XPNPEP2: variants seen among roughly 807,000 people sequenced by gnomAD.
XPNPEP2 encodes X-prolyl aminopeptidase 2, also known as xaa-Pro aminopeptidase 2.
A neutral mutation model predicts 59.8 loss-of-function variants in XPNPEP2; 64 were observed. The ratio of observed to expected loss-of-function variants is 1.07; its 90% confidence interval spans 0.87 to 1.32. The LOEUF is 1.32. Ranked by LOEUF, XPNPEP2 falls within the 40% of genes most tolerant of loss-of-function variation. The pLI is 0.00. For missense variants in XPNPEP2, 575 were observed against 546.8 expected (o/e 1.05, Z -0.51); for synonymous variants, 235 against 210.0 (o/e 1.12, Z -1.03).
intron 19 of XPNPEP2, among the ~76,000 whole-genome samples, chrX:129,765,328 C>A (rs769701297): frequency 8.9e-6 from 1 of 112,046 alleles, no homozygotes; most frequent in African/African-American, 3.2e-5. Flanking sequence ...ATCAATGCTA[C>A]AAATCACTGT....
At chrX:129,751,096 A>ACC in intron 8 of XPNPEP2, among the ~76,000 whole-genome samples, 1 of 23,854 alleles carries the variant, frequency 4.2e-5, no homozygotes, top group African/African-American at 1.2e-4. Context: ...AAAGACGCCC[A>ACC]CTCCCCCACC....
At position 129,750,488 on chromosome X, in the gene XPNPEP2, G is replaced by C; in HGVS notation, c.658G>C (p.Val220Leu). Residue 220 changes from valine to leucine, a missense_variant, in exon 8 of 21, where the codon GTA (valine) becomes CTA (leucine). Transcript: ENST00000371106. ...AFTGSTWQEK[V>L]SGVRSQMQKH... Reference sequence around the variant, plus strand: ...TCTAGGGAGCACTTGGCAGGAGAAAGTATCTGGCGTCCGAAGCCAGATGCA... The same window carrying C: ...TCTAGGGAGCACTTGGCAGGAGAAACTATCTGGCGTCCGAAGCCAGATGCA... The C allele has an allele frequency of 2.5e-6, 3 of 1,196,076 alleles. No homozygotes were observed. Among genetic ancestry groups the C allele is most frequent in the East Asian group, 3.0e-5 (1 of 33,442 alleles).
intron 14 of XPNPEP2, among the ~76,000 whole-genome samples, chrX:129,757,143 G>C (rs904992794): frequency 9.6e-6 from 1 of 103,996 alleles, no homozygotes; most frequent in South Asian, 4.6e-4. Context: ...ATGTTGGCCA[G>C]GCTGTTCTCA....
intron 1 of XPNPEP2, 109 bp downstream of exon 1, chrX:129,739,371 T>G (rs1394595169): frequency 1.2e-6 from 1 of 823,702 alleles, no homozygotes; most frequent in Non-Finnish European, 1.7e-6. Context: ...TGTTGCTTCC[T>G]CTCTCTGACT....
intron 20 of XPNPEP2, 99 bp downstream of exon 20, chrX:129,767,791 G>C: frequency 1.1e-6 from 1 of 889,788 alleles, no homozygotes; most frequent in Non-Finnish European, 1.6e-6. Flanking sequence ...CTCCAGGAGG[G>C]TCCACACTGG....
intron 14 of XPNPEP2, among the ~76,000 whole-genome samples, chrX:129,757,063 TAC>T (rs745496024): frequency 1.2e-5 from 1 of 84,841 alleles, no homozygotes; most frequent in Non-Finnish European, 2.1e-5. Context: ...CACATATATA[TAC>T]ACACACATAC....
At chrX:129,740,657 G>A (rs764439336) in intron 1 of XPNPEP2, among the ~76,000 whole-genome samples, 34 of 105,981 alleles carry the variant, frequency 3.2e-4, no homozygotes, top group African/African-American at 9.7e-4. Flanking sequence ...GGCGCGGGGG[G>A]CGTTGGGCGC....
chrX:129,757,865 G>A (rs866672141), intron 14 of XPNPEP2, among the ~76,000 whole-genome samples: 75 of 55,887 alleles, frequency 1.3e-3, no homozygotes, highest in Admixed American at 4.8e-3. Flanking sequence ...GAAAGAGGGA[G>A]AGAGAGAAAG....
intron 19 of XPNPEP2, among the ~76,000 whole-genome samples, chrX:129,765,109 CTACTGTACA>C: frequency 8.9e-6 from 1 of 112,279 alleles, no homozygotes; most frequent in South Asian, 3.7e-4. Flanking sequence ...AAAATGGATT[CTACTGTACA>C]TACTTTTCTG....
chrX:129,742,371 C>G (rs772756041), intron 2 of XPNPEP2, among the ~76,000 whole-genome samples, 190 bp downstream of exon 2: 3 of 106,295 alleles, frequency 2.8e-5, no homozygotes, highest in East Asian at 3.0e-4. Context: ...GCCCCTCCCC[C>G]CTCCACTCCC....
At chrX:129,748,038 CAG>C (rs916610999) in intron 7 of XPNPEP2, among the ~76,000 whole-genome samples, 5 of 112,115 alleles carry the variant, frequency 4.5e-5, no homozygotes, top group Non-Finnish European at 9.4e-5. Context: ...AGAAGGGAAA[CAG>C]AGAAAGATGA....
chrX:129,755,458 C>T (rs1241585779), intron 13 of XPNPEP2, 87 bp downstream of exon 13: 1 of 956,588 alleles, frequency 1.0e-6, no homozygotes, highest in Non-Finnish European at 1.5e-6. Context: ...GGGGGATGTT[C>T]TGGGACCTGA....
intron 4 of XPNPEP2, among the ~76,000 whole-genome samples, chrX:129,745,893 A>G (rs758876799): frequency 1.8e-5 from 2 of 110,969 alleles, no homozygotes; most frequent in East Asian, 5.7e-4. Flanking sequence ...TCCTCAGCTG[A>G]GCCTCTGGTT....
At chrX:129,757,803 GA>G (rs1172619001) in intron 14 of XPNPEP2, among the ~76,000 whole-genome samples, 2 of 60,776 alleles carry the variant, frequency 3.3e-5, no homozygotes, top group Non-Finnish European at 6.0e-5. Flanking sequence ...AAGGAAGAAA[GA>G]AAGAAAGAAA....
In XPNPEP2 at chrX:129,752,177, C is replaced by G. The variant is rs1361753686; in HGVS notation, c.849C>G (p.Ser283Arg). ...IRLFANKSRF[S>R]SETLSYLNSS... ...TGTTTGCAAACAAGAGTCGCTTTAG[C>G]TCCGAAACCTTGAGCTATCTGAACT... Residue 283 changes from serine (S) to arginine (R), a missense_variant, in exon 10 of 21, where the codon AGC (serine) becomes AGG (arginine). By Grantham distance (110) the Ser-to-Arg change is moderately radical. Transcript: ENST00000371106. 2.5e-6 allele frequency: 3 copies of G among 1,209,744 alleles called. No homozygotes were observed. In the African/African-American group the frequency reaches 5.3e-5, roughly 21 times the overall value.
chrX:129,741,552 A>G (rs1009360488), intron 1 of XPNPEP2, among the ~76,000 whole-genome samples: 1 of 112,195 alleles, frequency 8.9e-6, no homozygotes, highest in African/African-American at 3.2e-5. Flanking sequence ...ATACTAATTA[A>G]TCCATCTTTC....
chrX:129,743,193 A>G (rs1321335898), intron 2 of XPNPEP2, among the ~76,000 whole-genome samples: 1 of 112,798 alleles, frequency 8.9e-6, no homozygotes, highest in Non-Finnish European at 1.9e-5. Flanking sequence ...TTTATATTAA[A>G]ACAAACATGG....
Position 129,742,176 on chromosome X carries a change from C to G in XPNPEP2, c.118C>G (p.Pro40Ala). ...GQDVRNCSTN[P>A]PYLPVTVVNT... ...GGATGTGAGAAACTGTTCCACCAACCCCCCTGTGAGTGCCCCCTGCCCCCC... is the reference window on the plus strand; with the variant it reads ...GGATGTGAGAAACTGTTCCACCAACGCCCCTGTGAGTGCCCCCTGCCCCCC... Residue 40 changes from proline to alanine, a missense_variant, in exon 2 of 21, where the codon CCC becomes GCC. Pro to Ala is a conservative substitution (Grantham distance 27, BLOSUM62 -1). Transcript: ENST00000371106. The G allele has an allele frequency of 2.5e-6, 3 of 1,188,224 alleles. No homozygotes were observed. Among genetic ancestry groups the G allele is most frequent in the Non-Finnish European group, 3.4e-6 (3 of 883,205 alleles).
intron 1 of XPNPEP2, 93 bp downstream of exon 1, chrX:129,739,355 T>G: frequency 1.1e-6 from 1 of 933,830 alleles, no homozygotes; most frequent in Non-Finnish European, 1.5e-6. Context: ...CCCGAGTCTC[T>G]TTTTCTGTTG....
Sources: allele counts gnomAD v4.1 joint callset (sites outside exome capture counted in the v4.1 genomes callset), GRCh38; gene constraint gnomAD v4.1.1; transcripts MANE v1.5; gene names NCBI Gene and HGNC (gene_info 2026-07-23, HGNC 2026-07-21).